The following CDH18 variants were observed in gnomAD, a reference collection of about 807,000 sequenced individuals.
The protein encoded by CDH18 is cadherin 18.
Under a neutral mutation model 67.9 loss-of-function variants are expected in CDH18, and 31 were observed. The ratio of observed to expected loss-of-function variants is 0.46; its 90% CI spans 0.34 to 0.62. The LOEUF is 0.62. CDH18 is among the 20% of genes least tolerant of loss of function. The pLI is 0.01. For synonymous variants in CDH18, 362 were observed against 347.2 expected, an observed-to-expected ratio of 1.04 and a Z score of -0.48; for missense variants, 890 against 975.5, an observed-to-expected ratio of 0.91 and a Z score of 1.17.
At chr5:19,555,870 T>C (rs966909546) in intron 8 of CDH18, among the ~76,000 whole-genome samples, 1 of 152,142 alleles carries the variant, frequency 6.6e-6, no homozygotes, top group Non-Finnish European at 1.5e-5. Flanking sequence ...CAGAGTCTAC[T>C]TCACTCCCCT....
intron 5 of CDH18, among the ~76,000 whole-genome samples, chr5:19,656,876 CTCTT>C (rs780552300): frequency 2.0e-5 from 3 of 151,666 alleles, no homozygotes; most frequent in Non-Finnish European, 4.4e-5. Context: ...CTCTGTCTTT[CTCTT>C]TCTGTGTGTG....
intron 5 of CDH18, among the ~76,000 whole-genome samples, chr5:19,665,639 T>C (rs1580768335): frequency 6.6e-6 from 1 of 152,006 alleles, no homozygotes; most frequent in South Asian, 2.1e-4. Flanking sequence ...ATGTAAGTTA[T>C]AGATGGATAG....
At chr5:20,348,885 C>T (rs563949963) in intron 1 of CDH18, among the ~76,000 whole-genome samples, 2 of 152,118 alleles carry the variant, frequency 1.3e-5, no homozygotes, top group African/African-American at 2.4e-5. Context: ...TTTGTGCAAG[C>T]CCTAAAACAT....
At chr5:20,412,356 C>G (rs1256861738) in intron 1 of CDH18, among the ~76,000 whole-genome samples, 1 of 152,058 alleles carries the variant, frequency 6.6e-6, no homozygotes, top group East Asian at 1.9e-4. Flanking sequence ...CTAACATAAA[C>G]CAAAATTAAC....
intron 2 of CDH18, among the ~76,000 whole-genome samples, chr5:20,217,076 GT>G (rs1257442084): frequency 6.6e-6 from 1 of 151,764 alleles, no homozygotes; most frequent in Non-Finnish European, 1.5e-5. Flanking sequence ...GAAATGAAGA[GT>G]TTCTCAGACA....
chr5:19,582,241 A>C (rs895760649), intron 7 of CDH18, among the ~76,000 whole-genome samples: 4 of 151,954 alleles, frequency 2.6e-5, no homozygotes, highest in Non-Finnish European at 5.9e-5. Context: ...ATATGACATA[A>C]ATAAAATAAT....
chr5:19,553,336 A>G (rs1187756005), intron 8 of CDH18, among the ~76,000 whole-genome samples: 2 of 152,124 alleles, frequency 1.3e-5, no homozygotes, highest in African/African-American at 2.4e-5. Flanking sequence ...CCATTTTTAC[A>G]GTGACCTACT....
intron 1 of CDH18, among the ~76,000 whole-genome samples, chr5:20,570,459 A>C (rs192715255): frequency 2.4e-4 from 37 of 152,264 alleles, no homozygotes; most frequent in African/African-American, 8.9e-4. Context: ...ATCTTCTCTC[A>C]TTTTATTTCT....
chr5:20,420,342 G>A (rs1747764189), intron 1 of CDH18, among the ~76,000 whole-genome samples: 2 of 151,044 alleles, frequency 1.3e-5, no homozygotes, highest in Non-Finnish European at 2.9e-5. Context: ...AAGAGTTAAG[G>A]ACTTATTCTT....
intron 2 of CDH18, among the ~76,000 whole-genome samples, chr5:20,191,339 C>T (rs559435181): frequency 6.6e-6 from 1 of 152,142 alleles, no homozygotes; most frequent in Non-Finnish European, 1.5e-5. Context: ...GGGGTTTTGA[C>T]TACTTAAAGA....
chr5:20,361,821 T>G (rs1389009563), intron 1 of CDH18, among the ~76,000 whole-genome samples: 7 of 152,172 alleles, frequency 4.6e-5, no homozygotes. Context: ...TTATTTCCAC[T>G]GTTTTCAAAC....
intron 4 of CDH18, among the ~76,000 whole-genome samples, chr5:19,743,649 A>G (rs1201423813): frequency 1.3e-5 from 2 of 152,190 alleles, no homozygotes; most frequent in Non-Finnish European, 2.9e-5. Context: ...GGCCAGACAC[A>G]GTGGCTCACA....
intron 1 of CDH18, among the ~76,000 whole-genome samples, chr5:20,563,390 T>C (rs570191052): frequency 6.6e-6 from 1 of 152,084 alleles, no homozygotes; most frequent in Non-Finnish European, 1.5e-5. Flanking sequence ...CTTAACAGAA[T>C]AGGAATATAC....
intron 2 of CDH18, among the ~76,000 whole-genome samples, chr5:19,970,694 A>AT (rs1561656233): frequency 2.0e-5 from 3 of 151,700 alleles, no homozygotes; most frequent in Non-Finnish European, 3.0e-5. Context: ...AGTTCATAAG[A>AT]TTTTTTGAAA....
At chr5:20,480,874 A>T (rs1470804030) in intron 1 of CDH18, among the ~76,000 whole-genome samples, 2 of 152,222 alleles carry the variant, frequency 1.3e-5, no homozygotes, top group Non-Finnish European at 2.9e-5. Flanking sequence ...AAAAAATAAA[A>T]AGTGAGAAAT....
At chr5:19,544,340 AT>A (rs1423387708) in intron 8 of CDH18, among the ~76,000 whole-genome samples, 4 of 152,156 alleles carry the variant, frequency 2.6e-5, no homozygotes, top group Admixed American at 6.5e-5. Context: ...ATGAAAAAAA[AT>A]ATTAAACCTA....
chr5:20,359,292 G>T (rs1400870543), intron 1 of CDH18, among the ~76,000 whole-genome samples: 2 of 151,906 alleles, frequency 1.3e-5, no homozygotes, highest in Non-Finnish European at 2.9e-5. Context: ...CACATGTTTT[G>T]CTTATTTAAT....
chr5:20,355,625 A>G (rs150190512), intron 1 of CDH18, among the ~76,000 whole-genome samples: 2,147 of 152,318 alleles, frequency 0.014, 37 homozygotes, highest in African/African-American at 0.049. Flanking sequence ...TACTTATGAT[A>G]CAAAGATTAC....
intron 2 of CDH18, among the ~76,000 whole-genome samples, chr5:20,182,083 G>A (rs1027553181): frequency 1.3e-5 from 2 of 151,918 alleles, no homozygotes; most frequent in Non-Finnish European, 2.9e-5. Context: ...TTTAAATCTG[G>A]GAAGAAAAAT....
Sources: gnomAD v4.1 joint callset for allele counts (sites outside exome capture counted in the v4.1 genomes callset) on GRCh38, gnomAD v4.1.1 for gene constraint, MANE v1.5 for transcripts, NCBI Gene and HGNC (gene_info 2026-07-23, HGNC 2026-07-21) for gene names.